Variants in NOP16 observed in about 807,000 individuals in gnomAD.
The protein encoded by NOP16 is NOP16 nucleolar protein.
A neutral mutation model predicts 22.7 loss-of-function variants in NOP16; 14 were observed. The ratio of observed to expected loss-of-function variants is 0.62; its 90% CI spans 0.41 to 0.97. The LOEUF (loss-of-function observed/expected upper bound fraction) is 0.97. Ranked by LOEUF, NOP16 falls within the 50% of genes least tolerant of loss-of-function variation. The probability of loss-of-function intolerance (pLI) is 0.00; values close to 1 mark genes in which losing one functional copy is unlikely to be tolerated. For missense variants in NOP16, 198 were observed against 235.9 expected (o/e 0.84, Z 1.05); for synonymous variants, 80 against 83.6 (o/e 0.96, Z 0.23).
At chr5:176,387,013 C>T (rs1755901004) in intron 2 of NOP16, 104 bp from the exon 3 acceptor site, 1 of 964,796 alleles carries the variant, frequency 1.0e-6, no homozygotes, top group East Asian at 2.4e-5. Flanking sequence ...AATCCCTGCC[C>T]ACGGTTAGGT....
At chr5:176,387,855 G>A (rs113523093) in intron 2 of NOP16, among the ~76,000 whole-genome samples, 237 of 152,240 alleles carry the variant, frequency 1.6e-3, no homozygotes, top group Non-Finnish European at 2.4e-3. Context: ...GGGAAGCCTA[G>A]GGAAGCCTCA....
intron 2 of NOP16, 23 bp downstream of exon 2, chr5:176,388,212 C>T (rs767669311): frequency 4.1e-5 from 63 of 1,545,734 alleles, no homozygotes; most frequent in Admixed American, 1.8e-4. Flanking sequence ...AAGACAAGGA[C>T]CGAGACCCTG....
Position 176,388,412 on chromosome 5 carries a change from C to A in NOP16, c.107+21G>T, listed in dbSNP as rs1219070681. On this transcript the variant is annotated intron_variant, in intron 1 of 4. Transcript: ENST00000614830. ...CGTCCCGGCCGAGGCCCACGGCCAC[C>A]CGGAACCCCAGCCCCCTCACCATTC... The A allele has an allele frequency of 1.9e-6, 3 of 1,613,690 alleles. No individual in the cohort carries two copies. In the Admixed American group the frequency reaches 5.0e-5, roughly 27 times the overall value.
chr5:176,384,933 C>T, intron 4 of NOP16: 1 of 561,972 alleles, frequency 1.8e-6, no homozygotes, highest in Admixed American at 3.1e-5. Flanking sequence ...AGACTTCCAT[C>T]CTGGGTGACT....
At position 176,383,997 on chromosome 5, in the gene NOP16, G is replaced by C; in HGVS notation, c.*234C>G. On this transcript the variant is annotated 3_prime_UTR_variant, in exon 5 of 5. Coordinates refer to ENST00000614830, the MANE Select transcript of NOP16 (RefSeq NM_016391.8). Reference sequence around the variant, plus strand: ...ACACTATATTTACATCACCCACCCTGAAAACAGCAGGTTCTGGCTTTTCCG... The same window carrying C: ...ACACTATATTTACATCACCCACCCTCAAAACAGCAGGTTCTGGCTTTTCCG... The C allele has an allele frequency of 6.5e-7, 1 of 1,535,578 alleles. No individual in the cohort carries two copies. The highest frequency in any genetic ancestry group is 2.0e-5 in the Admixed American group (1 of 50,458).
At chr5:176,384,610 G>C (rs548707779) in intron 4 of NOP16, 2 of 551,484 alleles carry the variant, frequency 3.6e-6, no homozygotes. Context: ...AACCCAGTGA[G>C]ACCCTGTCTC....
intron 3 of NOP16, among the ~76,000 whole-genome samples, chr5:176,385,582 G>A (rs948488092): frequency 6.6e-6 from 1 of 152,296 alleles, no homozygotes; most frequent in Admixed American, 6.5e-5. Context: ...TTCTCTCCGG[G>A]CCTCAGGTGG....
chr5:176,384,132 T>C lies in NOP16; in HGVS notation c.*99A>G, dbSNP rs1065212. The C allele has an allele frequency of 0.09, 144,666 of 1,611,914 alleles. 7,392 individuals carry two copies. Among genetic ancestry groups the C allele is most frequent in the African/African-American group, 0.17 (12,967 of 74,906 alleles). On this transcript the variant is annotated 3_prime_UTR_variant, in exon 5 of 5. Transcript: ENST00000614830. ...TCTGATTCCATGGGACCTGGCCAGC[T>C]CCTCTGGAGCCACACAGCACCTCCT...
In NOP16 at chr5:176,385,203, G is replaced by T. The variant is rs370500348; in HGVS notation, c.393+18C>A. The T allele has an allele frequency of 6.7e-6, 10 of 1,484,752 alleles. No individual in the cohort carries two copies. The highest frequency in any genetic ancestry group is 7.5e-6 in the Non-Finnish European group (8 of 1,061,898). 92.0% of individuals were successfully genotyped at this position (1,484,752 alleles called of 1,614,324 possible). A position where few individuals can be genotyped will look rare whatever the true frequency, so the allele number is the denominator to read the frequency against. The stretch of plus-strand genomic sequence containing the variant: ...CAGGGCGCCTTCCCAGCCAGCCCAC[G>T]GGGCCTGAGCCGCTCACCTTATAGT... On this transcript the variant is annotated intron_variant, in intron 4 of 4. Transcript: ENST00000614830.
intron 2 of NOP16, 37 bp from the exon 3 acceptor site, chr5:176,386,946 T>G: frequency 1.3e-6 from 2 of 1,576,972 alleles, no homozygotes; most frequent in Non-Finnish European, 1.7e-6. Context: ...AGAAGGATCT[T>G]TGATGAGGGA....
chr5:176,384,596 G>A (rs1215522419), intron 4 of NOP16: 1 of 568,672 alleles, frequency 1.8e-6, no homozygotes, highest in African/African-American at 1.9e-5. Flanking sequence ...AGGCCACCCT[G>A]GGCAACCCAG....
rs753481204 is a variant in NOP16 at position 176,385,440 on chromosome 5, A to G, written c.287-113T>C. On this transcript the variant is annotated intron_variant, in intron 3 of 4. Transcript: ENST00000614830. ...CCAAGCCACAAGACCCACCACACCA[A>G]CCACCTGGGGGTCTTTGCCTCCCCA... The G allele has an allele frequency of 1.5e-5, 10 of 677,372 alleles. No homozygotes were observed. The Middle Eastern group carries it at 1.4e-3, about 96-fold the overall frequency. The allele number at this position is 677,372 out of a possible 1,614,324, so 42.0% of individuals were successfully genotyped here. A position where few individuals can be genotyped will look rare whatever the true frequency, so the allele number is the denominator to read the frequency against.
intron 2 of NOP16, 54 bp downstream of exon 2, chr5:176,388,181 T>A: frequency 7.4e-7 from 1 of 1,350,134 alleles, no homozygotes; most frequent in Non-Finnish European, 1.1e-6. Flanking sequence ...CCTAGGTCAG[T>A]ATGGCGGGGG....
In NOP16 at chr5:176,384,365, G is replaced by A. The variant is rs759109610; in HGVS notation, c.403C>T (p.Arg135Cys). The change falls in exon 5 of 5, where the codon CGT becomes TGT. Residue 135 changes from arginine (R) to cysteine (C), a missense_variant. Transcript: ENST00000614830. The part of the protein sequence containing the change: ...NHGEDYKAMA[R>C]DEKNYYQDTP... ...TCTTGATAGTAATTCTTCTCATCACGGGCCATGGCCTAAGAGGAGAAGGGC... is the reference window on the plus strand; with the variant it reads ...TCTTGATAGTAATTCTTCTCATCACAGGCCATGGCCTAAGAGGAGAAGGGC... The A allele has an allele frequency of 4.3e-6, 7 of 1,612,952 alleles. No homozygotes were observed. Among genetic ancestry groups the A allele is most frequent in the African/African-American group, 2.7e-5 (2 of 75,022 alleles).
rs1328202698 is a variant in NOP16 at position 176,384,026 on chromosome 5, AC to A, written c.*204del. ...ACAGCAGGTTCTGGCTTTTCCGTGA[AC>A]CCCCAGATGAATATAAATTGGAGCC... On this transcript the variant is annotated 3_prime_UTR_variant, in exon 5 of 5. Transcript: ENST00000614830. The A allele has an allele frequency of 1.9e-6, 3 of 1,540,388 alleles. No individual in the cohort carries two copies. In the Admixed American group the frequency reaches 5.9e-5, roughly 30 times the overall value.
intron 2 of NOP16, 161 bp from the exon 3 acceptor site, chr5:176,387,070 CTCTCTCTCTT>C: frequency 3.4e-6 from 2 of 591,620 alleles, no homozygotes; most frequent in East Asian, 5.6e-5. Context: ...CTTTTTCTCT[CTCTCTCTCTT>C]TTTTTTTTTC....
rs1755647212 is a variant in NOP16 at position 176,384,223 on chromosome 5, T to G, written c.*8A>C. 1.2e-6 allele frequency: 2 copies of G among 1,614,088 alleles called. No homozygotes were observed. The highest frequency in any genetic ancestry group is 1.7e-6 in the Non-Finnish European group (2 of 1,180,044). On this transcript the variant is annotated 3_prime_UTR_variant, in exon 5 of 5. Coordinates refer to ENST00000614830, the MANE Select transcript of NOP16 (RefSeq NM_016391.8). ...GCCTCAGCCTGGGGCAGCTGTGATG[T>G]AAACCAGTCACTCCACCTCCATCTT...
intron 3 of NOP16, among the ~76,000 whole-genome samples, chr5:176,385,659 C>T (rs1460048592): frequency 3.5e-4 from 54 of 152,326 alleles, no homozygotes. Flanking sequence ...GAGATGAAGG[C>T]ACATACCTGC....
In NOP16 at chr5:176,384,035, T is replaced by G. The variant is rs1282830561; in HGVS notation, c.*196A>C. 60 of 1,543,140 alleles carry G rather than the reference T, an allele frequency of 3.9e-5. No homozygotes were observed. Among genetic ancestry groups the G allele is most frequent in the Non-Finnish European group, 5.1e-5 (59 of 1,149,708 alleles). ...TCTGGCTTTTCCGTGAACCCCCAGA[T>G]GAATATAAATTGGAGCCTCTGAGAA... On this transcript the variant is annotated 3_prime_UTR_variant, in exon 5 of 5. Coordinates refer to ENST00000614830, the MANE Select transcript of NOP16 (RefSeq NM_016391.8).
Sources: allele counts gnomAD v4.1 joint callset (sites outside exome capture counted in the v4.1 genomes callset), GRCh38; gene constraint gnomAD v4.1.1; transcripts MANE v1.5; gene names NCBI Gene and HGNC (gene_info 2026-07-23, HGNC 2026-07-21).